STX11: variants seen among roughly 807,000 people sequenced by gnomAD.
The protein encoded by STX11 is syntaxin-11.
A neutral mutation model predicts 19.9 loss-of-function variants in STX11; 21 were observed. That is an observed-to-expected ratio of 1.06 (90% CI 0.75 to 1.52). The LOEUF (loss-of-function observed/expected upper bound fraction) is 1.52, where lower values mean the gene tolerates loss of function less well. Ranked by LOEUF, STX11 falls within the 40% of genes most tolerant of loss-of-function variation. The pLI is 0.00. For synonymous variants in STX11, 193 were observed against 174.4 expected (o/e 1.11, Z -0.84); for missense variants, 438 against 405.9 (o/e 1.08, Z -0.68).
rs767555672 is a variant in STX11, at chr6:144,160,248, C to T, written c.-6+9545C>T. On this transcript the variant is annotated intron_variant, in intron 1 of 1. Coordinates refer to ENST00000367568, the MANE Select transcript of STX11 (RefSeq NM_003764.4). The surrounding 1 kb of genome is among the most constrained non-coding windows in gnomAD (Gnocchi z 4.3). ...CTCGAACTCCTGACCTCAGGTGAAC[C>T]GCCTGCCTCAGCCTACCAAAGTGCT... Among the ~76,000 whole-genome samples, 25 of 152,060 alleles carry T rather than the reference C, an allele frequency of 1.6e-4. No homozygotes were observed. The highest frequency in any genetic ancestry group is 4.1e-4 in the African/African-American group (17 of 41,384).
At chr6:144,163,204 A>C (rs573165123) in intron 1 of STX11, among the ~76,000 whole-genome samples, 1 of 152,186 alleles carries the variant, frequency 6.6e-6, no homozygotes, top group Admixed American at 6.5e-5. Flanking sequence ...TTTGGTTTCA[A>C]CTGTGTCTAC....
chr6:144,147,842 G>T (rs1754999268), upstream of STX11, among the ~76,000 whole-genome samples: 1 of 152,082 alleles, frequency 6.6e-6, no homozygotes, highest in Admixed American at 6.6e-5. This position sits in a 1 kb window ranked among gnomAD's most constrained non-coding sequence, Gnocchi z 4.2. Flanking sequence ...GGAGGTCGAG[G>T]CTGCAGGGAA....
Position 144,169,916 on chromosome 6 carries a change from G to T in STX11, c.-5-16707G>T, listed in dbSNP as rs1387578911. ...TAGTATTGAACTCCTGGGCTCAAGTGATCCTCCTGCCTTGGCCTCCCAACA... is the reference window on the plus strand; with the variant it reads ...TAGTATTGAACTCCTGGGCTCAAGTTATCCTCCTGCCTTGGCCTCCCAACA... On this transcript the variant is annotated intron_variant, in intron 1 of 1. Coordinates refer to ENST00000367568, the MANE Select transcript of STX11 (RefSeq NM_003764.4). This position sits in a 1 kb window ranked among gnomAD's most constrained non-coding sequence, Gnocchi z 5.2. Among the ~76,000 whole-genome samples the T allele has an allele frequency of 6.6e-6, 1 of 152,174 alleles. No homozygotes were observed. The highest frequency in any genetic ancestry group is 1.5e-5 in the Non-Finnish European group (1 of 68,028).
chr6:144,141,682 T>A, the STX11 span, among the ~76,000 whole-genome samples: 1 of 152,172 alleles, frequency 6.6e-6, no homozygotes, highest in South Asian at 2.1e-4. Context: ...TTGTTGTTGT[T>A]GTTGTTGTTG....
rs1180470939 is a variant in STX11 at position 144,156,006 on chromosome 6, CTT to C, written c.-6+5305_-6+5306del. 8.9e-3 allele frequency among the ~76,000 whole-genome samples: 1,082 copies of C among 121,650 alleles called. 50 individuals are homozygous for C. Among genetic ancestry groups the C allele is most frequent in the African/African-American group, 0.047 (965 of 20,640 alleles). 79.8% of individuals were successfully genotyped at this position (121,650 alleles called of 152,430 possible). On this transcript the variant is annotated intron_variant, in intron 1 of 1. Transcript: ENST00000367568. ...TCTTTCTTTCTTTCTTTCTTTCTTT[CTT>C]TCTTTCTCTCTTTCTCTCCTTCCTT...
rs767296461 is a variant in STX11 at position 144,170,110 on chromosome 6, A to T, written c.-5-16513A>T. ...TATTTTTCTGTCTGGTTTCTCCAATAGCTTGATTTTCTTTGCTACAGATAA... is the reference window on the plus strand; with the variant it reads ...TATTTTTCTGTCTGGTTTCTCCAATTGCTTGATTTTCTTTGCTACAGATAA... On this transcript the variant is annotated intron_variant, in intron 1 of 1. Coordinates refer to ENST00000367568, the MANE Select transcript of STX11 (RefSeq NM_003764.4). The surrounding 1 kb of genome is among the most constrained non-coding windows in gnomAD (Gnocchi z 4.7). Among the ~76,000 whole-genome samples, 2 of 152,192 alleles carry T rather than the reference A, an allele frequency of 1.3e-5. No individual in the cohort carries two copies. The highest frequency in any genetic ancestry group is 2.9e-5 in the Non-Finnish European group (2 of 68,034).
chr6:144,161,628 G>A (rs60076941), intron 1 of STX11, among the ~76,000 whole-genome samples: 20,112 of 151,960 alleles, frequency 0.13, 2,434 homozygotes, highest in East Asian at 0.37. Context: ...TCAGCCTCCC[G>A]AAGTGCTGGG....
At position 144,187,461 on chromosome 6, in the gene STX11, C is replaced by T; in HGVS notation, c.834C>T (p.Leu278=). The T allele has an allele frequency of 6.2e-7, 1 of 1,612,370 alleles. No individual in the cohort carries two copies. The highest frequency in any genetic ancestry group is 8.5e-7 in the Non-Finnish European group (1 of 1,179,960). Residue 278 remains leucine, a synonymous_variant, in exon 2 of 2, where the codon CTC becomes CTT. Coordinates refer to ENST00000367568, the MANE Select transcript of STX11 (RefSeq NM_003764.4). This position sits in a 1 kb window ranked among gnomAD's most constrained non-coding sequence, Gnocchi z 5.6. ...AGGAGAAGAACCCCTGCCGGACCCT[C>T]TGCTGCTTCTGCTGTCCCTGCCTCA... The part of the protein sequence containing the change: ...QYEEKNPCRT[L]CCFCCPCLK
upstream of STX11, among the ~76,000 whole-genome samples, chr6:144,145,824 T>C (rs1333724935): frequency 1.3e-5 from 2 of 152,158 alleles, no homozygotes; most frequent in Non-Finnish European, 1.5e-5. Context: ...AGGGAGTTAG[T>C]GTTTAATGGG....
Position 144,153,640 on chromosome 6 carries a change from A to G in STX11, c.-6+2937A>G, listed in dbSNP as rs1425247981. On this transcript the variant is annotated intron_variant, in intron 1 of 1. Transcript: ENST00000367568. The surrounding 1 kb of genome is among the most constrained non-coding windows in gnomAD (Gnocchi z 5.0). Reference sequence around the variant, plus strand: ...TGGAATTTTAAAAATCTTAGATTAGATGAGAGTGACATTGACCCTAGGAAG... The same window carrying G: ...TGGAATTTTAAAAATCTTAGATTAGGTGAGAGTGACATTGACCCTAGGAAG... Among the ~76,000 whole-genome samples, 3 of 152,248 alleles carry G rather than the reference A, an allele frequency of 2.0e-5. No individual in the cohort carries two copies. The highest frequency in any genetic ancestry group is 4.4e-5 in the Non-Finnish European group (3 of 68,046).
In STX11 at chr6:144,189,264, C is replaced by T. The variant is rs1316371664; in HGVS notation, c.*1773C>T. 5.9e-5 allele frequency among the ~76,000 whole-genome samples: 9 copies of T among 152,312 alleles called. No homozygotes were observed. Among genetic ancestry groups the T allele is most frequent in the Middle Eastern group, 3.4e-3 (1 of 294 alleles). ...CTCAAACTTGTGAGCTTGAGCAATCCGCCCACCTTGGCCTCCCAAAGTGCT... is the reference window on the plus strand; with the variant it reads ...CTCAAACTTGTGAGCTTGAGCAATCTGCCCACCTTGGCCTCCCAAAGTGCT... On this transcript the variant is annotated 3_prime_UTR_variant, in exon 2 of 2. Transcript: ENST00000367568.
chr6:144,173,333 C>T (rs1257897810), intron 1 of STX11, among the ~76,000 whole-genome samples: 1 of 152,182 alleles, frequency 6.6e-6, no homozygotes, highest in Non-Finnish European at 1.5e-5. Context: ...CTGTCTACTT[C>T]AGGCTGAGGA....
intron 1 of STX11, among the ~76,000 whole-genome samples, chr6:144,166,359 T>G (rs1340435172): frequency 6.6e-6 from 1 of 152,200 alleles, no homozygotes; most frequent in African/African-American, 2.4e-5. Flanking sequence ...TTGGCTTAGA[T>G]GCTTCAAGAT....
intron 1 of STX11, among the ~76,000 whole-genome samples, chr6:144,157,905 C>G (rs1801215865): frequency 6.6e-6 from 1 of 151,790 alleles, no homozygotes; most frequent in Admixed American, 6.6e-5. Flanking sequence ...CTTGAAAGTC[C>G]TCAAACCAGT....
At chr6:144,186,476 G>C (rs1205736320) in intron 1 of STX11, 147 bp from the exon 2 acceptor site, 2 of 955,222 alleles carry the variant, frequency 2.1e-6, no homozygotes, top group Admixed American at 2.3e-5. Context: ...CAAAATGTCA[G>C]AACATTTAGC....
Position 144,151,390 on chromosome 6 carries a change from G to A in STX11, c.-6+687G>A. On this transcript the variant is annotated intron_variant, in intron 1 of 1. Coordinates refer to ENST00000367568, the MANE Select transcript of STX11 (RefSeq NM_003764.4). The surrounding 1 kb of genome is among the most constrained non-coding windows in gnomAD (Gnocchi z 4.6). ...TTCAGCCGTTTCTCAGCAGAGGGAG[G>A]AGCTGTTATTTACAGGTATCCAAAA... 1 of 985,406 alleles carries A rather than the reference G, an allele frequency of 1.0e-6. No homozygotes were observed. The highest frequency in any genetic ancestry group is 1.7e-5 in the African/African-American group (1 of 57,344). The allele number at this position is 985,406 out of a possible 1,614,324, so 61.0% of individuals were successfully genotyped here. A position where few individuals can be genotyped will look rare whatever the true frequency, so the allele number is the denominator to read the frequency against.
At chr6:144,171,166 C>G (rs747297135) in intron 1 of STX11, among the ~76,000 whole-genome samples, 5 of 152,176 alleles carry the variant, frequency 3.3e-5, no homozygotes, top group African/African-American at 9.7e-5. Context: ...ACATAATTCC[C>G]CAGGCTTGAA....
Position 144,188,847 on chromosome 6 carries a change from C to T in STX11, c.*1356C>T, listed in dbSNP as rs1802140466. 1.3e-5 allele frequency among the ~76,000 whole-genome samples: 2 copies of T among 151,120 alleles called. No homozygotes were observed. The highest frequency in any genetic ancestry group is 4.9e-5 in the African/African-American group (2 of 40,998). Reference sequence around the variant, plus strand: ...GTTCGAGCGATTCTCCTGACTCAGCCTCCTGAGAAGTTGGGACTCTGGGCG... The same window carrying T: ...GTTCGAGCGATTCTCCTGACTCAGCTTCCTGAGAAGTTGGGACTCTGGGCG... On this transcript the variant is annotated 3_prime_UTR_variant, in exon 2 of 2. Coordinates refer to ENST00000367568, the MANE Select transcript of STX11 (RefSeq NM_003764.4).
At position 144,177,390 on chromosome 6, in the gene STX11, T is replaced by C. The variant is rs1278531381; in HGVS notation, c.-5-9233T>C. Among the ~76,000 whole-genome samples, 2 of 152,192 alleles carry C rather than the reference T, an allele frequency of 1.3e-5. No homozygotes were observed. The highest frequency in any genetic ancestry group is 6.5e-5 in the Admixed American group (1 of 15,282). On this transcript the variant is annotated intron_variant, in intron 1 of 1. Transcript: ENST00000367568. The surrounding 1 kb of genome is among the most constrained non-coding windows in gnomAD (Gnocchi z 4.4). ...CTAATAGAGATACAAGTGGAAAAAT[T>C]TGCACAGATGACTTGAGCCTTGAGG... is the stretch of plus-strand genomic sequence containing the variant.
Sources: gnomAD v4.1 joint callset for allele counts (sites outside exome capture counted in the v4.1 genomes callset) on GRCh38, gnomAD v4.1.1 for gene constraint, Gnocchi (gnomAD v3.1) non-coding constraint, MANE v1.5 for transcripts, NCBI Gene and HGNC (gene_info 2026-07-23, HGNC 2026-07-21) for gene names.